The following REDIC1 variants were observed in gnomAD, a reference collection of about 807,000 sequenced individuals.
REDIC1 encodes HEI10 Interacting Protein 1.
chr12:39,872,592 C>T, the REDIC1 span, among the ~76,000 whole-genome samples: 3 of 152,146 alleles, frequency 2.0e-5, no homozygotes, highest in Non-Finnish European at 4.4e-5. Flanking sequence ...AGACTCATTT[C>T]GTGCTAAGTG....
the REDIC1 span, among the ~76,000 whole-genome samples, chr12:39,818,429 A>G: frequency 6.6e-6 from 1 of 152,218 alleles, no homozygotes; most frequent in Non-Finnish European, 1.5e-5. Flanking sequence ...TCTCTTATCA[A>G]TCAGTGAAGA....
chr12:39,884,184 G>A, the REDIC1 span, among the ~76,000 whole-genome samples: 1 of 152,046 alleles, frequency 6.6e-6, no homozygotes, highest in Non-Finnish European at 1.5e-5. Flanking sequence ...GCTCAGGCTG[G>A]TCTCAAACTC....
At chr12:39,690,274 C>G in the REDIC1 span, among the ~76,000 whole-genome samples, 1 of 151,974 alleles carries the variant, frequency 6.6e-6, no homozygotes, top group Non-Finnish European at 1.5e-5. Flanking sequence ...TTCTCAAGAG[C>G]CTTTGATGGG....
At chr12:39,895,015 T>G in the REDIC1 span, among the ~76,000 whole-genome samples, 1 of 152,104 alleles carries the variant, frequency 6.6e-6, no homozygotes, top group Non-Finnish European at 1.5e-5. Flanking sequence ...AGGGAAGAGA[T>G]AGAATCATAA....
the REDIC1 span, among the ~76,000 whole-genome samples, chr12:39,889,732 A>G: frequency 5.9e-5 from 9 of 151,884 alleles, no homozygotes; most frequent in South Asian, 8.4e-4. Flanking sequence ...GGGTTTCACC[A>G]TGTTGGCCAG....
chr12:39,702,450 C>A, the REDIC1 span, among the ~76,000 whole-genome samples: 1 of 152,076 alleles, frequency 6.6e-6, no homozygotes, highest in African/African-American at 2.4e-5. Context: ...CAATAGCTTA[C>A]CAACCAAAAA....
the REDIC1 span, among the ~76,000 whole-genome samples, chr12:39,674,001 T>G: frequency 6.6e-6 from 1 of 152,206 alleles, no homozygotes; most frequent in African/African-American, 2.4e-5. Context: ...TTTTAATGAA[T>G]TTTATATTTA....
the REDIC1 span, among the ~76,000 whole-genome samples, chr12:39,767,110 G>A: frequency 6.6e-6 from 1 of 152,030 alleles, no homozygotes; most frequent in Non-Finnish European, 1.5e-5. Flanking sequence ...CACTATCTAT[G>A]GCAGCTATGG....
At chr12:39,647,102 C>G in the REDIC1 span, among the ~76,000 whole-genome samples, 5 of 151,866 alleles carry the variant, frequency 3.3e-5, no homozygotes, top group Non-Finnish European at 5.9e-5. Flanking sequence ...TGTGACTAGG[C>G]CTATGTTTGC....
At chr12:39,742,814 G>A in the REDIC1 span, among the ~76,000 whole-genome samples, 1 of 152,186 alleles carries the variant, frequency 6.6e-6, no homozygotes, top group African/African-American at 2.4e-5. Context: ...AAGGTGACAG[G>A]AAAATTGCTG....
the REDIC1 span, among the ~76,000 whole-genome samples, chr12:39,689,691 G>A: frequency 6.6e-6 from 1 of 152,150 alleles, no homozygotes. Context: ...AGCTACTAGA[G>A]AGGTTTGAGG....
At chr12:39,655,151 G>A in the REDIC1 span, among the ~76,000 whole-genome samples, 3 of 151,732 alleles carry the variant, frequency 2.0e-5, no homozygotes, top group Non-Finnish European at 4.4e-5. Flanking sequence ...TTTCAATTTT[G>A]TAGGTCTTTT....
At chr12:39,653,545 C>CTTT in the REDIC1 span, among the ~76,000 whole-genome samples, 2 of 132,744 alleles carry the variant, frequency 1.5e-5, no homozygotes, top group African/African-American at 5.7e-5. Context: ...TCTTTTTCTT[C>CTTT]TTCTTCTTCT....
chr12:39,890,667 T>C, the REDIC1 span, among the ~76,000 whole-genome samples: 1 of 152,186 alleles, frequency 6.6e-6, no homozygotes, highest in Non-Finnish European at 1.5e-5. Flanking sequence ...TATATATGTA[T>C]TGAAACATCA....
At chr12:39,773,372 C>T in the REDIC1 span, among the ~76,000 whole-genome samples, 1,293 of 152,258 alleles carry the variant, frequency 8.5e-3, 19 homozygotes, top group African/African-American at 0.03. Flanking sequence ...AATAAATAAT[C>T]GGTTCCCTGT....
the REDIC1 span, among the ~76,000 whole-genome samples, chr12:39,695,209 G>GA: frequency 6.6e-6 from 1 of 152,122 alleles, no homozygotes; most frequent in African/African-American, 2.4e-5. Flanking sequence ...CTTTTCACTT[G>GA]AAAAAAGCAG....
chr12:39,905,174 G>T, the REDIC1 span, among the ~76,000 whole-genome samples: 1 of 152,120 alleles, frequency 6.6e-6, no homozygotes, highest in African/African-American at 2.4e-5. Context: ...TAAGAAAAAT[G>T]CTTTGTTTTT....
the REDIC1 span, among the ~76,000 whole-genome samples, chr12:39,670,400 A>T: frequency 6.6e-6 from 1 of 152,172 alleles, no homozygotes; most frequent in African/African-American, 2.4e-5. Flanking sequence ...CATGTTGGCC[A>T]CACTGGTCTT....
the REDIC1 span, among the ~76,000 whole-genome samples, chr12:39,892,840 C>T: frequency 6.6e-6 from 1 of 151,986 alleles, no homozygotes. Flanking sequence ...GGAAAAACAA[C>T]CAAAGTCATA....
Sources: allele counts gnomAD v4.1 joint callset (sites outside exome capture counted in the v4.1 genomes callset), GRCh38; gene constraint gnomAD v4.1.1; transcripts MANE v1.5; gene names NCBI Gene and HGNC (gene_info 2026-07-23, HGNC 2026-07-21).